Variants in SH3RF3 observed in about 807,000 individuals in gnomAD.
SH3RF3 encodes E3 ubiquitin-protein ligase SH3RF3.
SH3RF3 carries 29 observed loss-of-function variants against 66.3 expected under a neutral mutation model. That is an observed-to-expected ratio of 0.44 (90% CI 0.33 to 0.60). SH3RF3 has a LOEUF of 0.60. Ranked by LOEUF, SH3RF3 falls within the 20% of genes least tolerant of loss-of-function variation. The pLI is 0.04. For synonymous variants in SH3RF3, 583 were observed against 532.0 expected, an observed-to-expected ratio of 1.10 and a Z score of -1.32; for missense variants, 1,194 against 1,190.9, an observed-to-expected ratio of 1.00 and a Z score of -0.04.
chr2:109,306,822 G>T (rs1028553607), intron 1 of SH3RF3, among the ~76,000 whole-genome samples: 1 of 152,178 alleles, frequency 6.6e-6, no homozygotes. Flanking sequence ...TATTTCCTAG[G>T]TTGCTCTGGT....
intron 1 of SH3RF3, among the ~76,000 whole-genome samples, chr2:109,238,177 G>A (rs1394547924): frequency 6.6e-6 from 1 of 152,088 alleles, no homozygotes; most frequent in African/African-American, 2.4e-5. Context: ...TCTAGCTTGG[G>A]TGACAGAGTG....
At chr2:109,352,377 C>T (rs1269280357) in intron 2 of SH3RF3, among the ~76,000 whole-genome samples, 1 of 152,148 alleles carries the variant, frequency 6.6e-6, no homozygotes, top group African/African-American at 2.4e-5. Context: ...TTCCTGGTGG[C>T]TAAATCTCAG....
chr2:109,423,789 G>A (rs1331542937), intron 5 of SH3RF3, among the ~76,000 whole-genome samples: 1 of 152,146 alleles, frequency 6.6e-6, no homozygotes, highest in Non-Finnish European at 1.5e-5. Flanking sequence ...ACAGACAGAT[G>A]CGACCAAGAA....
chr2:109,263,955 C>T (rs1054508572), intron 1 of SH3RF3, among the ~76,000 whole-genome samples: 4 of 152,152 alleles, frequency 2.6e-5, no homozygotes, highest in African/African-American at 9.7e-5. Flanking sequence ...GGCAACAGAA[C>T]GAGTCTCCAT....
At chr2:109,333,661 A>G (rs1435333781) in intron 1 of SH3RF3, among the ~76,000 whole-genome samples, 2 of 152,198 alleles carry the variant, frequency 1.3e-5, no homozygotes, top group Non-Finnish European at 2.9e-5. Flanking sequence ...CTAGAGACAA[A>G]GTTTGCTGAC....
At chr2:109,466,872 T>A (rs1480489069) in intron 8 of SH3RF3, among the ~76,000 whole-genome samples, 1 of 152,146 alleles carries the variant, frequency 6.6e-6, no homozygotes, top group African/African-American at 2.4e-5. Context: ...TGTGTGTATA[T>A]GTTTGTGTGT....
intron 1 of SH3RF3, among the ~76,000 whole-genome samples, chr2:109,188,250 C>T (rs1678249169): frequency 1.3e-5 from 2 of 152,220 alleles, no homozygotes; most frequent in South Asian, 2.1e-4. Context: ...CTGAAAACTC[C>T]ACCGCCACCC....
At chr2:109,422,130 C>G (rs919724136) in intron 5 of SH3RF3, among the ~76,000 whole-genome samples, 1 of 152,224 alleles carries the variant, frequency 6.6e-6, no homozygotes, top group Admixed American at 6.5e-5. Context: ...AAAATAGCCT[C>G]TGTAAGTCAC....
At chr2:109,300,552 G>A (rs1681441628) in intron 1 of SH3RF3, among the ~76,000 whole-genome samples, 1 of 152,162 alleles carries the variant, frequency 6.6e-6, no homozygotes, top group African/African-American at 2.4e-5. Flanking sequence ...AGAGATGACA[G>A]GCATCCTTTT....
chr2:109,252,202 T>C (rs1444565706), intron 1 of SH3RF3, among the ~76,000 whole-genome samples: 1 of 150,634 alleles, frequency 6.6e-6, no homozygotes, highest in Non-Finnish European at 1.5e-5. Context: ...GAACCAAGAT[T>C]GCACCACTGC....
chr2:109,138,677 C>T (rs576911934), intron 1 of SH3RF3, among the ~76,000 whole-genome samples: 1 of 152,320 alleles, frequency 6.6e-6, no homozygotes, highest in Admixed American at 6.5e-5. Context: ...CACACCCTGC[C>T]TGCAGACTGC....
chr2:109,342,807 C>T lies in SH3RF3; in HGVS notation c.574-4867C>T, dbSNP rs566058417. Among the ~76,000 whole-genome samples, 5 of 152,286 alleles carry T rather than the reference C, an allele frequency of 3.3e-5. 1 individual carries two copies. The South Asian group carries it at 1.0e-3, about 32-fold the overall frequency. On this transcript the variant is annotated intron_variant, in intron 1 of 9. Transcript: ENST00000309415. ...ATCTCCACGGGTAGGACATTAAGTC[C>T]AGAGGAAGATGTGTGTGCCACATCT...
chr2:109,143,327 C>T (rs144264918), intron 1 of SH3RF3, among the ~76,000 whole-genome samples: 9 of 152,108 alleles, frequency 5.9e-5, no homozygotes, highest in Non-Finnish European at 8.8e-5. Context: ...TAAAAAATGC[C>T]TTAAGTTGAA....
At chr2:109,275,161 A>G (rs1680725398) in intron 1 of SH3RF3, among the ~76,000 whole-genome samples, 1 of 152,110 alleles carries the variant, frequency 6.6e-6, no homozygotes, top group Non-Finnish European at 1.5e-5. Flanking sequence ...TTGACCTTTC[A>G]TGAAGCTTTG....
At chr2:109,146,892 C>G (rs4076308) in intron 1 of SH3RF3, among the ~76,000 whole-genome samples, 1 of 88,488 alleles carries the variant, frequency 1.1e-5, no homozygotes, top group African/African-American at 4.7e-5. Flanking sequence ...CCCTCCCCCC[C>G]CCCCCCCCCG....
intron 1 of SH3RF3, among the ~76,000 whole-genome samples, chr2:109,272,118 A>G (rs1402794141): frequency 6.6e-6 from 1 of 152,182 alleles, no homozygotes; most frequent in Admixed American, 6.5e-5. Flanking sequence ...GCCTCTGGCC[A>G]GCTGTCGGAG....
chr2:109,405,484 G>C (rs1028124069), intron 4 of SH3RF3, among the ~76,000 whole-genome samples: 1 of 152,104 alleles, frequency 6.6e-6, no homozygotes, highest in Non-Finnish European at 1.5e-5. Context: ...AGCCTGTGCA[G>C]ATCTTCTCCC....
intron 1 of SH3RF3, among the ~76,000 whole-genome samples, chr2:109,273,004 A>G (rs1680665257): frequency 1.3e-5 from 2 of 152,218 alleles, no homozygotes; most frequent in South Asian, 4.1e-4. Context: ...GGGAAAGAAA[A>G]TGGTTACCTT....
intron 1 of SH3RF3, among the ~76,000 whole-genome samples, chr2:109,170,244 T>TTTCTCTTCTC (rs1206279912): frequency 0.011 from 362 of 32,830 alleles, 4 homozygotes; most frequent in Middle Eastern, 0.016. Flanking sequence ...CTTCTTTTCT[T>TTTCTCTTCTC]TTCTCTTCTC....
Sources: allele counts gnomAD v4.1 joint callset (sites outside exome capture counted in the v4.1 genomes callset), GRCh38; gene constraint gnomAD v4.1.1; transcripts MANE v1.5; gene names NCBI Gene and HGNC (gene_info 2026-07-23, HGNC 2026-07-21).